The following HEG1 variants were observed in gnomAD, a reference collection of about 807,000 sequenced individuals.
HEG1 encodes the protein heart development protein with EGF like domains 1.
In HEG1, 56 loss-of-function variants were observed where a neutral mutation model predicts 125.6. That is an observed-to-expected ratio of 0.45 (90% CI 0.36 to 0.56). The LOEUF is 0.56. HEG1 is among the 20% of genes least tolerant of loss of function. The probability of loss-of-function intolerance (pLI) is 0.00; values close to 1 mark genes in which losing one functional copy is unlikely to be tolerated. For missense variants in HEG1, 1,523 were observed against 1,670.0 expected, an observed-to-expected ratio of 0.91 and a Z score of 1.53; for synonymous variants, 644 against 668.5, an observed-to-expected ratio of 0.96 and a Z score of 0.57.
chr3:125,004,476 T>C (rs1050158135), intron 9 of HEG1, among the ~76,000 whole-genome samples: 1 of 152,124 alleles, frequency 6.6e-6, no homozygotes, highest in African/African-American at 2.4e-5. Flanking sequence ...CCTTTTTAGT[T>C]GTTTCTGTTT....
chr3:125,025,657 T>C (rs145861287), intron 3 of HEG1, among the ~76,000 whole-genome samples: 4 of 152,318 alleles, frequency 2.6e-5, no homozygotes, highest in African/African-American at 9.6e-5. Context: ...CCAAAGTAGG[T>C]TGAATTTAAA....
chr3:125,049,803 G>A (rs190306542), intron 1 of HEG1, among the ~76,000 whole-genome samples: 31 of 152,230 alleles, frequency 2.0e-4, no homozygotes, highest in Admixed American at 1.7e-3. Flanking sequence ...CAACTACGGG[G>A]CTGTAGTGAG....
intron 8 of HEG1, among the ~76,000 whole-genome samples, chr3:125,006,171 G>C (rs1937069318): frequency 6.6e-6 from 1 of 152,132 alleles, no homozygotes; most frequent in Admixed American, 6.5e-5. Flanking sequence ...ATACTCCATG[G>C]GGCTGCCGAC....
At chr3:124,971,942 C>T (rs1936431915) in intron 16 of HEG1, 1 of 152,104 alleles carries the variant, frequency 6.6e-6, no homozygotes, top group East Asian at 1.9e-4. Context: ...GGGTCCACCA[C>T]CATGCCTGGC....
chr3:125,055,454 C>T (rs1477812951), intron 1 of HEG1, 121 bp downstream of exon 1: 7 of 613,562 alleles, frequency 1.1e-5, no homozygotes, highest in African/African-American at 2.0e-5. Context: ...ACACGCCGGG[C>T]GAGGAGCCCC....
chr3:124,985,978 A>C (rs987452419), intron 14 of HEG1, among the ~76,000 whole-genome samples: 1 of 152,160 alleles, frequency 6.6e-6, no homozygotes, highest in African/African-American at 2.4e-5. Context: ...AGGTTTCACC[A>C]GGTTGGCCAG....
intron 1 of HEG1, among the ~76,000 whole-genome samples, chr3:125,036,065 C>T (rs1937544495): frequency 6.6e-6 from 1 of 151,542 alleles, no homozygotes; most frequent in African/African-American, 2.4e-5. Flanking sequence ...AAAAAATTAA[C>T]CAGGCATGGT....
Position 124,973,889 on chromosome 3 carries a change from T to G in HEG1, c.3838A>C (p.Ile1280Leu). 1 of 1,611,782 alleles carries G rather than the reference T, an allele frequency of 6.2e-7. No individual in the cohort carries two copies. The highest frequency in any genetic ancestry group is 8.5e-7 in the Non-Finnish European group (1 of 1,178,534). Residue 1280 changes from isoleucine to leucine, a missense_variant, in exon 16 of 17, where the codon ATA (isoleucine) becomes CTA (leucine). Physicochemically the swap from Ile to Leu is conservative, Grantham distance 5. Coordinates refer to ENST00000311127, the MANE Select transcript of HEG1 (RefSeq NM_020733.2). ...VTCCRKNKND[I>L]SKLIFKSGDF... ...CCACTTTTGAAGATGAGTTTGCTTA[T>G]GTCATTTTTATTCTTTCTGTGGGAT...
At chr3:125,045,438 G>T (rs1396911035) in intron 1 of HEG1, among the ~76,000 whole-genome samples, 1 of 152,194 alleles carries the variant, frequency 6.6e-6, no homozygotes, top group Non-Finnish European at 1.5e-5. Context: ...GGTCTCTTAT[G>T]AGAGACTGTG....
intron 1 of HEG1, among the ~76,000 whole-genome samples, chr3:125,038,183 T>C (rs1276623049): frequency 6.6e-6 from 1 of 152,166 alleles, no homozygotes; most frequent in Admixed American, 6.5e-5. Context: ...CAAGCCCTCT[T>C]GGAAGCTAGG....
chr3:125,051,823 C>A (rs562453196), intron 1 of HEG1, among the ~76,000 whole-genome samples: 4 of 152,190 alleles, frequency 2.6e-5, no homozygotes, highest in Non-Finnish European at 5.9e-5. Flanking sequence ...TTCTGAGTGT[C>A]TCTGGACAAG....
rs572034739 is a variant in HEG1, at chr3:125,028,236, C to G, written c.611-729G>C. 7.2e-5 allele frequency among the ~76,000 whole-genome samples: 11 copies of G among 152,358 alleles called. No individual in the cohort carries two copies. In the East Asian group the frequency reaches 1.9e-3, roughly 27 times the overall value. On this transcript the variant is annotated intron_variant, in intron 2 of 16. Transcript: ENST00000311127. ...CCTGTAACCTGCCTGCCAGGCGAAT[C>G]CTCCTCAAATTCACTTTAGTTATGT...
intron 14 of HEG1, among the ~76,000 whole-genome samples, chr3:124,980,521 AT>A (rs780930642): frequency 2.0e-5 from 3 of 149,928 alleles, no homozygotes; most frequent in African/African-American, 4.9e-5. Context: ...CAGTTTTTTT[AT>A]TTTTTTTTTA....
intron 9 of HEG1, among the ~76,000 whole-genome samples, chr3:125,003,967 G>A (rs1300960305): frequency 3.9e-5 from 6 of 152,224 alleles, no homozygotes; most frequent in African/African-American, 7.2e-5. Flanking sequence ...AACTGAGGGC[G>A]ATCTTGGGGA....
At chr3:124,991,055 C>T in intron 12 of HEG1, 69 bp from the exon 13 acceptor site, 6 of 1,206,948 alleles carry the variant, frequency 5.0e-6, no homozygotes, top group Middle Eastern at 2.6e-4. Context: ...TAATTAAACG[C>T]CAGCCACCCT....
At chr3:124,985,074 A>G (rs1936716745) in intron 14 of HEG1, among the ~76,000 whole-genome samples, 1 of 152,270 alleles carries the variant, frequency 6.6e-6, no homozygotes, top group Non-Finnish European at 1.5e-5. Context: ...AAAAATATAT[A>G]ATACCAGTGT....
chr3:124,987,952 C>CACACACACACATATATATAT, intron 14 of HEG1, among the ~76,000 whole-genome samples: 13 of 54,696 alleles, frequency 2.4e-4, no homozygotes, highest in African/African-American at 6.2e-4. Flanking sequence ...CACACACACA[C>CACACACACACATATATATAT]ATATATATAT....
In HEG1 at chr3:125,013,645, G is replaced by A; in HGVS notation, c.1934C>T (p.Thr645Ile). ...SYTPTINMPN[T>I]SVVLDTDAEF... ...AGCATCAGTGTCCAGAACAACCGAA[G>A]TGTTCGGCATATTAATGGTGGGTGT... is the stretch of plus-strand genomic sequence containing the variant. The change falls in exon 6 of 17, where the codon ACT becomes ATT. Residue 645 changes from threonine to isoleucine, a missense_variant. Transcript: ENST00000311127. 6.2e-6 allele frequency: 10 copies of A among 1,612,406 alleles called. No individual in the cohort carries two copies. Among genetic ancestry groups the A allele is most frequent in the Non-Finnish European group, 8.5e-6 (10 of 1,179,100 alleles).
At chr3:124,989,116 T>C (rs1047599326) in intron 14 of HEG1, among the ~76,000 whole-genome samples, 1 of 152,192 alleles carries the variant, frequency 6.6e-6, no homozygotes, top group African/African-American at 2.4e-5. Context: ...TCCAAGTCTC[T>C]AGACTCTGAC....
Sources: allele counts gnomAD v4.1 joint callset (sites outside exome capture counted in the v4.1 genomes callset), GRCh38; gene constraint gnomAD v4.1.1; transcripts MANE v1.5; gene names NCBI Gene and HGNC (gene_info 2026-07-23, HGNC 2026-07-21).